The following B3GALT1 variants were observed in gnomAD, a reference collection of about 807,000 sequenced individuals.
B3GALT1 encodes the protein beta-1,3-galactosyltransferase 1, also known as UDP-Gal:betaGlcNAc beta 1,3-galactosyltransferase, polypeptide 1.
A neutral mutation model predicts 23.2 loss-of-function variants in B3GALT1; 10 were observed. The observed-to-expected ratio is 0.43, with a 90% CI of 0.27 to 0.73. B3GALT1 has a LOEUF of 0.73. Among genes scored for constraint, B3GALT1 ranks in the 30% least tolerant of loss-of-function variants. The probability of loss-of-function intolerance (pLI) is 0.21; values close to 1 mark genes in which losing one functional copy is unlikely to be tolerated. For missense variants in B3GALT1, 299 were observed against 405.4 expected, an observed-to-expected ratio of 0.74 and a Z score of 2.25; for synonymous variants, 156 against 141.5, an observed-to-expected ratio of 1.10 and a Z score of -0.73.
intron 1 of B3GALT1, among the ~76,000 whole-genome samples, chr2:167,342,603 G>GA (rs528340680): frequency 2.9e-4 from 42 of 144,498 alleles, no homozygotes; most frequent in African/African-American, 7.2e-4. Context: ...AAAAAAAAAA[G>GA]AAAAAAAAAC....
At position 167,552,629 on chromosome 2, in the gene B3GALT1, A is replaced by G. The variant is rs566830201; in HGVS notation, c.-410+62352A>G. On this transcript the variant is annotated intron_variant, in intron 2 of 4. Transcript: ENST00000392690. ...CTTTTTTCTTACTGGGACCAATAATATAGAGTAAATAGTCTAACTGTAATC... is the reference window on the plus strand; with the variant it reads ...CTTTTTTCTTACTGGGACCAATAATGTAGAGTAAATAGTCTAACTGTAATC... Among the ~76,000 whole-genome samples, 216 of 152,310 alleles carry G rather than the reference A, an allele frequency of 1.4e-3. 1 individual carries two copies. The highest frequency in any genetic ancestry group is 2.3e-3 in the Non-Finnish European group (157 of 68,022).
chr2:167,435,954 AACACACACACAC>A (rs66661618), intron 1 of B3GALT1, among the ~76,000 whole-genome samples: 4 of 139,300 alleles, frequency 2.9e-5, no homozygotes, highest in East Asian at 4.1e-4. Context: ...CACACACACA[AACACACACACAC>A]ACACACACAC....
intron 3 of B3GALT1, among the ~76,000 whole-genome samples, chr2:167,774,485 G>T (rs140505072): frequency 0.039 from 4,075 of 104,672 alleles, 211 homozygotes; most frequent in Non-Finnish European, 0.06. Context: ...TTTTTTTTTT[G>T]TTTTTTTTTT....
At chr2:167,344,108 G>T (rs1298775663) in intron 1 of B3GALT1, among the ~76,000 whole-genome samples, 3 of 152,018 alleles carry the variant, frequency 2.0e-5, no homozygotes, top group African/African-American at 7.2e-5. Flanking sequence ...AATTATAATG[G>T]ATGAGTATGA....
chr2:167,575,257 ATACT>A (rs1171463039), intron 2 of B3GALT1, among the ~76,000 whole-genome samples: 1 of 151,938 alleles, frequency 6.6e-6, no homozygotes, highest in East Asian at 1.9e-4. Flanking sequence ...CAGTTGTCAA[ATACT>A]GACTTTACAG....
intron 2 of B3GALT1, among the ~76,000 whole-genome samples, chr2:167,512,384 A>C (rs1207091410): frequency 6.6e-6 from 1 of 150,764 alleles, no homozygotes; most frequent in Non-Finnish European, 1.5e-5. Flanking sequence ...AATATAATAA[A>C]ATGTATTGAA....
chr2:167,400,363 T>C (rs984900386), intron 1 of B3GALT1, among the ~76,000 whole-genome samples: 2 of 152,126 alleles, frequency 1.3e-5, no homozygotes, highest in East Asian at 1.9e-4. Flanking sequence ...TTTCCTAAAA[T>C]CTTTTTAGTC....
chr2:167,392,843 A>G (rs1033959932), intron 1 of B3GALT1, among the ~76,000 whole-genome samples: 1 of 152,200 alleles, frequency 6.6e-6, no homozygotes, highest in South Asian at 2.1e-4. Context: ...AGAACAATCT[A>G]TAATCCATAT....
chr2:167,772,280 C>T (rs998834041), intron 3 of B3GALT1, among the ~76,000 whole-genome samples: 3 of 151,942 alleles, frequency 2.0e-5, no homozygotes, highest in Non-Finnish European at 4.4e-5. Flanking sequence ...CGATATTTTC[C>T]CTAGTAATAA....
intron 2 of B3GALT1, among the ~76,000 whole-genome samples, chr2:167,564,844 A>G (rs1474661870): frequency 1.3e-5 from 2 of 152,246 alleles, no homozygotes; most frequent in Non-Finnish European, 2.9e-5. Context: ...CCACTGCTCA[A>G]TGAAATAAAA....
At chr2:167,845,632 C>G (rs912197616) in intron 4 of B3GALT1, among the ~76,000 whole-genome samples, 5 of 152,202 alleles carry the variant, frequency 3.3e-5, no homozygotes, top group Non-Finnish European at 5.9e-5. Flanking sequence ...TCTGACAGAG[C>G]CTTCCCAAAT....
At chr2:167,725,843 T>C (rs565380298) in intron 3 of B3GALT1, among the ~76,000 whole-genome samples, 25 of 152,282 alleles carry the variant, frequency 1.6e-4, no homozygotes, top group African/African-American at 5.8e-4. Context: ...TCAGGATCTC[T>C]AAGAAGGAAG....
chr2:167,385,605 T>G (rs1020211554), intron 1 of B3GALT1, among the ~76,000 whole-genome samples: 1 of 152,180 alleles, frequency 6.6e-6, no homozygotes, highest in Non-Finnish European at 1.5e-5. Context: ...ACTAATAACT[T>G]GCTGATCAGG....
chr2:167,303,678 C>G (rs201243740), intron 1 of B3GALT1, among the ~76,000 whole-genome samples: 1,313 of 109,862 alleles, frequency 0.012, 14 homozygotes, highest in African/African-American at 0.032. Flanking sequence ...CACACACACA[C>G]ACACAGAGAG....
At chr2:167,365,580 A>G (rs1697572562) in intron 1 of B3GALT1, among the ~76,000 whole-genome samples, 1 of 131,212 alleles carries the variant, frequency 7.6e-6, no homozygotes, top group African/African-American at 3.1e-5. Flanking sequence ...TAATAGAGAT[A>G]CAAATACACA....
chr2:167,396,736 T>C (rs1698105305), intron 1 of B3GALT1, among the ~76,000 whole-genome samples: 1 of 151,932 alleles, frequency 6.6e-6, no homozygotes, highest in Non-Finnish European at 1.5e-5. Context: ...GACCTAAGTG[T>C]ACATGAAGCC....
At chr2:167,689,040 G>C (rs1686665324) in intron 3 of B3GALT1, among the ~76,000 whole-genome samples, 1 of 151,618 alleles carries the variant, frequency 6.6e-6, no homozygotes, top group Non-Finnish European at 1.5e-5. Context: ...TGGCTTTGGG[G>C]AGGAGTCAAA....
intron 2 of B3GALT1, among the ~76,000 whole-genome samples, chr2:167,556,628 G>A (rs993547968): frequency 1.3e-5 from 2 of 152,108 alleles, no homozygotes; most frequent in Non-Finnish European, 2.9e-5. Context: ...AAAATCTAGA[G>A]CTAAGACAAT....
chr2:167,300,850 C>T, intron 1 of B3GALT1, among the ~76,000 whole-genome samples: 1 of 152,060 alleles, frequency 6.6e-6, no homozygotes, highest in East Asian at 1.9e-4. Context: ...AAAGATTTTA[C>T]CTTATAAAAG....
Sources: allele counts gnomAD v4.1 joint callset (sites outside exome capture counted in the v4.1 genomes callset), GRCh38; gene constraint gnomAD v4.1.1; transcripts MANE v1.5; gene names NCBI Gene and HGNC (gene_info 2026-07-23, HGNC 2026-07-21).